Variants in COL4A5 observed in about 807,000 individuals in gnomAD.
COL4A5 encodes collagen type IV alpha 5 chain.
A neutral mutation model predicts 130.2 loss-of-function variants in COL4A5; 26 were observed. That is an observed-to-expected ratio of 0.20 (90% CI 0.15 to 0.28). The LOEUF (loss-of-function observed/expected upper bound fraction) is 0.28, where lower values mean the gene tolerates loss of function less well. COL4A5 is among the 10% of genes least tolerant of loss of function. The pLI, the probability that COL4A5 is intolerant of heterozygous loss-of-function variation, is 1.00. For missense variants in COL4A5, 1,131 were observed against 1,344.3 expected (o/e 0.84, Z 2.48); for synonymous variants, 496 against 439.6 (o/e 1.13, Z -1.60).
intron 35 of COL4A5, 55 bp downstream of exon 35, chrX:108,625,849 T>C: frequency 1.1e-6 from 1 of 909,189 alleles, no homozygotes; most frequent in Non-Finnish European, 1.6e-6. Context: ...GGTGGTTCAA[T>C]ATCTCTTTTT....
At chrX:108,690,071 T>C in intron 49 of COL4A5, 1 of 701,434 alleles carries the variant, frequency 1.4e-6, no homozygotes, top group Non-Finnish European at 1.7e-6. Flanking sequence ...AATAGGTTTT[T>C]TTAAATTACT....
intron 36 of COL4A5, among the ~76,000 whole-genome samples, chrX:108,629,589 C>A (rs1352450133): frequency 9.0e-6 from 1 of 111,361 alleles, no homozygotes; most frequent in Non-Finnish European, 1.9e-5. Context: ...TTGCTATATG[C>A]TGAAATACAA....
intron 1 of COL4A5, among the ~76,000 whole-genome samples, chrX:108,458,193 T>A (rs985407435): frequency 3.6e-5 from 4 of 112,030 alleles, no homozygotes; most frequent in Non-Finnish European, 3.8e-5. Flanking sequence ...TCTAAATGAT[T>A]TTATAGTTTT....
At chrX:108,546,047 C>A (rs2065646376) in intron 2 of COL4A5, among the ~76,000 whole-genome samples, 1 of 111,865 alleles carries the variant, frequency 8.9e-6, no homozygotes, top group Non-Finnish European at 1.9e-5. Context: ...CCTGGTGGGT[C>A]TTCACTCTTT....
chrX:108,481,983 A>G (rs1042671909), intron 1 of COL4A5, among the ~76,000 whole-genome samples: 2 of 111,339 alleles, frequency 1.8e-5, no homozygotes, highest in Admixed American at 9.6e-5. Flanking sequence ...AGGCATTTCC[A>G]TCTTGCTCAC....
At chrX:108,507,896 T>G (rs1315522557) in intron 1 of COL4A5, among the ~76,000 whole-genome samples, 1 of 111,489 alleles carries the variant, frequency 9.0e-6, no homozygotes, top group East Asian at 2.8e-4. Context: ...CTCAAAATAA[T>G]AAGAGCTCTC....
chrX:108,493,342 A>G (rs1006001845), intron 1 of COL4A5, among the ~76,000 whole-genome samples: 3 of 111,691 alleles, frequency 2.7e-5, no homozygotes, highest in East Asian at 2.8e-4. Flanking sequence ...CTTCAGTAGA[A>G]TAAGTTCAAA....
chrX:108,599,796 G>A (rs186539208), intron 25 of COL4A5, among the ~76,000 whole-genome samples: 1 of 112,161 alleles, frequency 8.9e-6, no homozygotes, highest in Non-Finnish European at 1.9e-5. Flanking sequence ...TTGCTACAGA[G>A]ACTGGATGGT....
intron 23 of COL4A5, 40 bp from the exon 24 acceptor site, chrX:108,597,337 T>C (rs752035176): frequency 1.7e-6 from 2 of 1,157,905 alleles, no homozygotes; most frequent in Non-Finnish European, 2.4e-6. Flanking sequence ...CTCTTTCTTC[T>C]TTTTCCACTC....
At chrX:108,659,475 T>G (rs2147941613) in intron 37 of COL4A5, among the ~76,000 whole-genome samples, 1 of 111,278 alleles carries the variant, frequency 9.0e-6, no homozygotes, top group South Asian at 3.7e-4. Context: ...TTTTATCAAT[T>G]ACTGAGAGGT....
chrX:108,551,405 T>C (rs2065750387), intron 2 of COL4A5, among the ~76,000 whole-genome samples: 1 of 111,738 alleles, frequency 8.9e-6, no homozygotes, highest in Non-Finnish European at 1.9e-5. Flanking sequence ...GTGAAAAAAT[T>C]CTCAATGTCA....
chrX:108,450,591 A>G (rs1033173344), intron 1 of COL4A5, among the ~76,000 whole-genome samples: 1 of 111,752 alleles, frequency 8.9e-6, no homozygotes, highest in African/African-American at 3.2e-5. Context: ...CCTGACACCA[A>G]GAGTGTGACA....
chrX:108,572,430 C>T (rs1369080578), intron 8 of COL4A5, among the ~76,000 whole-genome samples: 2 of 111,773 alleles, frequency 1.8e-5, no homozygotes, highest in African/African-American at 6.5e-5. Context: ...CCGCTCCTCC[C>T]TGTGGCTCCT....
intron 49 of COL4A5, among the ~76,000 whole-genome samples, chrX:108,690,329 T>G (rs1180241493): frequency 9.0e-6 from 1 of 111,429 alleles, no homozygotes; most frequent in Non-Finnish European, 1.9e-5. Context: ...TCTTAACGAG[T>G]TTTTGAAAGG....
At chrX:108,500,071 A>G (rs1328203409) in intron 1 of COL4A5, among the ~76,000 whole-genome samples, 3 of 111,987 alleles carry the variant, frequency 2.7e-5, no homozygotes, top group Admixed American at 9.5e-5. Context: ...CAGTATTCCT[A>G]TTCTTTTCAG....
At chrX:108,685,592 A>T (rs1319561515) in intron 47 of COL4A5, among the ~76,000 whole-genome samples, 1 of 112,361 alleles carries the variant, frequency 8.9e-6, no homozygotes. Context: ...CTTTTAAACT[A>T]ACTGGTGTCT....
Position 108,440,078 on chromosome X carries a change from CCGGGAATT to C in COL4A5, c.-47_-40del. 9.7e-7 allele frequency: 1 copy of C among 1,028,217 alleles called. No individual in the cohort carries two copies. Among genetic ancestry groups the C allele is most frequent in the Non-Finnish European group, 1.4e-6 (1 of 732,268 alleles). 84.7% of individuals were successfully genotyped at this position (1,028,217 alleles called of 1,213,427 possible). ...GATTATGTCAATTGGTTAGAGCCAG[CCGGGAATT>C]TCGTGCGGGTGCTGAAGGAGCTGCG... On this transcript the variant is annotated 5_prime_UTR_variant, in exon 1 of 53. Coordinates refer to ENST00000328300, the MANE Select transcript of COL4A5 (RefSeq NM_033380.3).
At chrX:108,674,700 T>C in intron 42 of COL4A5, 45 bp from the exon 43 acceptor site, 1 of 1,188,419 alleles carries the variant, frequency 8.4e-7, no homozygotes, top group Non-Finnish European at 1.1e-6. Flanking sequence ...TGTCTGATAC[T>C]GCTAACATCG....
At chrX:108,459,522 A>G (rs1296470801) in intron 1 of COL4A5, among the ~76,000 whole-genome samples, 1 of 112,495 alleles carries the variant, frequency 8.9e-6, no homozygotes, top group Non-Finnish European at 1.9e-5. Context: ...AATAACAATG[A>G]TGTGAACATT....
Sources: gnomAD v4.1 joint callset for allele counts (sites outside exome capture counted in the v4.1 genomes callset) on GRCh38, gnomAD v4.1.1 for gene constraint, MANE v1.5 for transcripts, NCBI Gene and HGNC (gene_info 2026-07-23, HGNC 2026-07-21) for gene names.